The following FRMPD1 variants were observed in gnomAD, a reference collection of about 807,000 sequenced individuals.
The protein encoded by FRMPD1 is FERM and PDZ domain-containing protein 1.
In FRMPD1, 76 loss-of-function variants were observed where a neutral mutation model predicts 117.8. The ratio of observed to expected loss-of-function variants is 0.65; its 90% CI spans 0.54 to 0.78. The LOEUF is 0.78. Among genes scored for constraint, FRMPD1 ranks in the 30% least tolerant of loss-of-function variants. FRMPD1 has a pLI of 0.00. For missense variants in FRMPD1, 1,786 were observed against 1,964.5 expected (o/e 0.91, Z 1.72); for synonymous variants, 783 against 770.4 (o/e 1.02, Z -0.27).
In FRMPD1 at chr9:37,733,640, G is replaced by A. The variant is rs779197357; in HGVS notation, c.1122+41G>A. On this transcript the variant is annotated intron_variant, in intron 11 of 15. Transcript: ENST00000377765. ...CTGCCGACCCACTCAGCTGTCGTCTGTGAAACCTTAGGAAAAACATTTTCA... is the reference window on the plus strand; with the variant it reads ...CTGCCGACCCACTCAGCTGTCGTCTATGAAACCTTAGGAAAAACATTTTCA... The A allele has an allele frequency of 3.1e-6, 5 of 1,611,212 alleles. No homozygotes were observed. In the East Asian group the frequency reaches 6.7e-5, roughly 22 times the overall value.
At chr9:37,685,330 A>G (rs2117965886) in intron 1 of FRMPD1, among the ~76,000 whole-genome samples, 1 of 152,194 alleles carries the variant, frequency 6.6e-6, no homozygotes, top group South Asian at 2.1e-4. Context: ...TATTTTTGAA[A>G]CATATTTTTC....
At chr9:37,715,619 A>G in intron 5 of FRMPD1, 2 of 456,252 alleles carry the variant, frequency 4.4e-6, no homozygotes, top group Non-Finnish European at 4.4e-6. Context: ...TAGAAGTTCT[A>G]GAATAATGAG....
chr9:37,626,622 G>GAAAAAAAAAAACAAAAAAA, the FRMPD1 span, among the ~76,000 whole-genome samples: 1 of 48,650 alleles, frequency 2.1e-5, no homozygotes, highest in Non-Finnish European at 3.9e-5. Context: ...CCTGGTATCT[G>GAAAAAAAAAAACAAAAAAA]AAAAAAAAAA....
In FRMPD1 at chr9:37,707,489, AAGAT is replaced by A. The variant is rs752234880; in HGVS notation, c.179_182del (p.Ile60ThrfsTer43). 8 of 1,614,004 alleles carry A rather than the reference AAGAT, an allele frequency of 5.0e-6. No individual in the cohort carries two copies. The highest frequency in any genetic ancestry group is 6.8e-6 in the Non-Finnish European group (8 of 1,179,880). ...CCTCATCCCTGTGCGACACACAGTA[AAGAT>A]AGACAAAGACACCCTCCTCCAGGAC... On this transcript the variant is annotated frameshift_variant, in exon 3 of 16. Coordinates refer to ENST00000377765, the MANE Select transcript of FRMPD1 (RefSeq NM_014907.3). LOFTEE classifies it high-confidence loss of function.
intron 2 of FRMPD1, among the ~76,000 whole-genome samples, chr9:37,704,755 A>G (rs974900141): frequency 1.3e-5 from 2 of 151,708 alleles, no homozygotes; most frequent in Non-Finnish European, 2.9e-5. Flanking sequence ...ATTACCATCA[A>G]TTTGTCAAGT....
At chr9:37,663,858 A>G (rs1444903144) in intron 1 of FRMPD1, among the ~76,000 whole-genome samples, 2 of 152,224 alleles carry the variant, frequency 1.3e-5, no homozygotes, top group East Asian at 1.9e-4. Context: ...TGTAAATGCT[A>G]TGTAAATAGT....
chr9:37,623,907 C>A, the FRMPD1 span, among the ~76,000 whole-genome samples: 1 of 152,098 alleles, frequency 6.6e-6, no homozygotes, highest in African/African-American at 2.4e-5. Context: ...TGACTGTGGA[C>A]ATTTTAGGCT....
chr9:37,708,409 T>C lies in FRMPD1; in HGVS notation c.270T>C (p.Ala90=). 6.2e-7 allele frequency: 1 copy of C among 1,609,340 alleles called. No homozygotes were observed. The highest frequency in any genetic ancestry group is 8.5e-7 in the Non-Finnish European group (1 of 1,175,666). ...TVVAVTAGGS[A]HGKLFPGDQI... ...TTTTCTGTCCAACAGGAGGCTCTGC[T>C]CACGGCAAGCTTTTCCCTGGTGATC... The change falls in exon 4 of 16, where the codon GCT becomes GCC. Residue 90 remains alanine (A), a synonymous_variant. Coordinates refer to ENST00000377765, the MANE Select transcript of FRMPD1 (RefSeq NM_014907.3).
intron 15 of FRMPD1, among the ~76,000 whole-genome samples, chr9:37,743,482 G>C (rs1023890225): frequency 8.7e-6 from 1 of 114,918 alleles, no homozygotes; most frequent in African/African-American, 3.3e-5. Flanking sequence ...TTCCCTACCT[G>C]TATTATCAAG....
intron 5 of FRMPD1, among the ~76,000 whole-genome samples, chr9:37,712,741 A>G (rs1216913438): frequency 6.6e-6 from 1 of 152,254 alleles, no homozygotes; most frequent in Non-Finnish European, 1.5e-5. Context: ...TTATCATTTA[A>G]TACAGAAGTA....
At chr9:37,609,640 C>G in the FRMPD1 span, among the ~76,000 whole-genome samples, 1 of 152,200 alleles carries the variant, frequency 6.6e-6, no homozygotes, top group Non-Finnish European at 1.5e-5. Flanking sequence ...CCCTCACCCC[C>G]TTCAAGTCTG....
At chr9:37,610,458 A>G in the FRMPD1 span, among the ~76,000 whole-genome samples, 1 of 145,460 alleles carries the variant, frequency 6.9e-6, no homozygotes, top group African/African-American at 2.6e-5. Context: ...TTAGAGACGG[A>G]GTCCCACTCT....
At chr9:37,674,632 A>G (rs1821463419) in intron 1 of FRMPD1, among the ~76,000 whole-genome samples, 1 of 152,206 alleles carries the variant, frequency 6.6e-6, no homozygotes. Context: ...GTTTAATTGG[A>G]CTTACAGTTC....
chr9:37,739,065 A>G (rs528650084), intron 14 of FRMPD1, among the ~76,000 whole-genome samples: 1 of 152,272 alleles, frequency 6.6e-6, no homozygotes, highest in South Asian at 2.1e-4. Flanking sequence ...GCTAGACTAC[A>G]GAGGAGACCT....
intron 8 of FRMPD1, 106 bp from the exon 9 acceptor site, chr9:37,730,878 C>G (rs908682476): frequency 1.3e-5 from 15 of 1,162,274 alleles, no homozygotes; most frequent in Non-Finnish European, 1.8e-5. Flanking sequence ...ATTGAAATCT[C>G]TGGGAACTGT....
At chr9:37,716,155 A>T (rs1206206831) in intron 5 of FRMPD1, among the ~76,000 whole-genome samples, 1 of 152,210 alleles carries the variant, frequency 6.6e-6, no homozygotes, top group Non-Finnish European at 1.5e-5. Flanking sequence ...AGTAAAGCCC[A>T]AGATTGGGTT....
chr9:37,651,970 C>T (rs146175465), intron 1 of FRMPD1, among the ~76,000 whole-genome samples: 192 of 152,320 alleles, frequency 1.3e-3, no homozygotes, highest in African/African-American at 4.4e-3. Context: ...GAGGCATTTG[C>T]AGTTTGCTTT....
chr9:37,684,770 T>C (rs1373431961), intron 1 of FRMPD1, among the ~76,000 whole-genome samples: 3 of 152,064 alleles, frequency 2.0e-5, no homozygotes, highest in African/African-American at 4.8e-5. Context: ...TTTTTTATTT[T>C]TGAGACAGGG....
At chr9:37,626,774 G>A in the FRMPD1 span, among the ~76,000 whole-genome samples, 11 of 152,056 alleles carry the variant, frequency 7.2e-5, no homozygotes, top group South Asian at 2.3e-3. Flanking sequence ...GGGCAACAGA[G>A]AGAGCCCTGT....
Sources: allele counts gnomAD v4.1 joint callset (sites outside exome capture counted in the v4.1 genomes callset), GRCh38; gene constraint gnomAD v4.1.1; transcripts MANE v1.5; gene names NCBI Gene and HGNC (gene_info 2026-07-23, HGNC 2026-07-21).